Variants in RYR2 observed in about 807,000 individuals in gnomAD.
The protein encoded by RYR2 is cardiac muscle ryanodine receptor-calcium release channel.
A neutral mutation model predicts 601.1 loss-of-function variants in RYR2; 227 were observed. The observed-to-expected ratio is 0.38, with a 90% confidence interval of 0.34 to 0.42. The LOEUF (loss-of-function observed/expected upper bound fraction) is 0.42. Among genes scored for constraint, RYR2 ranks in the 10% least tolerant of loss-of-function variants. The probability of loss-of-function intolerance (pLI) is 1.00; values close to 1 mark genes in which losing one functional copy is unlikely to be tolerated. For synonymous variants in RYR2, 2,223 were observed against 2,175.1 expected, an observed-to-expected ratio of 1.02 and a Z score of -0.61; for missense variants, 4,646 against 6,156.5, an observed-to-expected ratio of 0.75 and a Z score of 8.21.
intron 70 of RYR2, 136 bp from the exon 71 acceptor site, chr1:237,711,609 C>T (rs991784701): frequency 1.6e-6 from 1 of 621,116 alleles, no homozygotes; most frequent in African/African-American, 1.9e-5. Context: ...TCAAGAAATA[C>T]TTGTATCCTT....
chr1:237,063,604 A>G (rs58948992), intron 1 of RYR2, among the ~76,000 whole-genome samples: 4 of 148,600 alleles, frequency 2.7e-5, no homozygotes, highest in African/African-American at 7.5e-5. Context: ...ACACATACAC[A>G]CTCTCTCTCT....
chr1:237,117,025 G>A (rs968020946), intron 1 of RYR2, among the ~76,000 whole-genome samples: 1 of 152,214 alleles, frequency 6.6e-6, no homozygotes, highest in Non-Finnish European at 1.5e-5. Context: ...ACTGACAGTA[G>A]AGGTGTGAGC....
intron 10 of RYR2, among the ~76,000 whole-genome samples, chr1:237,404,124 T>C (rs1347738871): frequency 6.6e-6 from 1 of 152,106 alleles, no homozygotes; most frequent in African/African-American, 2.4e-5. Context: ...CCTGGTGGCA[T>C]GCACCTGTAG....
intron 34 of RYR2, among the ~76,000 whole-genome samples, 153 bp from the exon 35 acceptor site, chr1:237,601,872 C>A (rs1676539073): frequency 6.6e-6 from 1 of 152,138 alleles, no homozygotes; most frequent in Non-Finnish European, 1.5e-5. Flanking sequence ...TAATGAAATA[C>A]TCTAATTCTT....
chr1:237,173,655 A>G (rs1017835210), intron 1 of RYR2, among the ~76,000 whole-genome samples: 17 of 152,152 alleles, frequency 1.1e-4, no homozygotes, highest in African/African-American at 3.1e-4. Context: ...CACCGCAAAT[A>G]CCTGTCTATA....
At chr1:237,112,546 A>G (rs1416531634) in intron 1 of RYR2, among the ~76,000 whole-genome samples, 14 of 140,142 alleles carry the variant, frequency 1.0e-4, no homozygotes, top group African/African-American at 3.8e-4. Flanking sequence ...ACTTCCCCCT[A>G]CCTCTTCTTT....
chr1:237,623,725 C>T, intron 38 of RYR2, 40 bp from the exon 39 acceptor site: 2 of 1,347,544 alleles, frequency 1.5e-6, no homozygotes, highest in Admixed American at 1.7e-5. Context: ...CCTTTCTTTT[C>T]TTCCTCCTTC....
At chr1:237,706,601 C>T (rs1385671538) in intron 67 of RYR2, among the ~76,000 whole-genome samples, 1 of 152,074 alleles carries the variant, frequency 6.6e-6, no homozygotes, top group African/African-American at 2.4e-5. Context: ...GAGTGGGGGA[C>T]TTCAAAACTT....
chr1:237,765,879 C>T (rs1573863459), intron 84 of RYR2, among the ~76,000 whole-genome samples: 1 of 152,148 alleles, frequency 6.6e-6, no homozygotes, highest in South Asian at 2.1e-4. Context: ...TTTAGGAGCT[C>T]AGTACTGTGT....
chr1:237,338,765 C>A (rs2149603245), intron 3 of RYR2, among the ~76,000 whole-genome samples: 2 of 152,206 alleles, frequency 1.3e-5, no homozygotes, highest in Middle Eastern at 6.8e-3. Context: ...TTTGTTCAAG[C>A]TTTAGGGCAG....
At chr1:237,673,841 G>A (rs969973235) in intron 58 of RYR2, among the ~76,000 whole-genome samples, 2 of 152,146 alleles carry the variant, frequency 1.3e-5, no homozygotes, top group African/African-American at 4.8e-5. Flanking sequence ...AGATATTATT[G>A]TCACTTAGTA....
At chr1:237,175,546 C>T (rs1464290364) in intron 1 of RYR2, among the ~76,000 whole-genome samples, 3 of 152,056 alleles carry the variant, frequency 2.0e-5, no homozygotes, top group African/African-American at 4.8e-5. Flanking sequence ...CAATAACATA[C>T]CTGAAAAATG....
intron 1 of RYR2, among the ~76,000 whole-genome samples, chr1:237,057,065 G>C (rs956532207): frequency 1.3e-5 from 2 of 152,212 alleles, no homozygotes; most frequent in African/African-American, 2.4e-5. Flanking sequence ...GGAGAGAGGA[G>C]TGACCCAGTG....
intron 10 of RYR2, among the ~76,000 whole-genome samples, chr1:237,393,607 G>C (rs796758368): frequency 3.3e-5 from 5 of 152,224 alleles, no homozygotes; most frequent in African/African-American, 9.6e-5. Flanking sequence ...AACCTATGAG[G>C]GTTTTTCTTC....
At chr1:237,787,932 C>T in intron 91 of RYR2, 56 bp from the exon 92 acceptor site, 1 of 1,506,298 alleles carries the variant, frequency 6.6e-7, no homozygotes, top group Non-Finnish European at 9.0e-7. Flanking sequence ...TTCCACAACA[C>T]CCGTTTAGTT....
At chr1:237,753,160 A>G (rs951816097) in intron 80 of RYR2, among the ~76,000 whole-genome samples, 1 of 152,224 alleles carries the variant, frequency 6.6e-6, no homozygotes, top group Non-Finnish European at 1.5e-5. Context: ...GCCCTGGTTT[A>G]AAATATCTTT....
chr1:237,366,711 G>GTA (rs140217740), intron 5 of RYR2, among the ~76,000 whole-genome samples: 2,071 of 146,362 alleles, frequency 0.014, 41 homozygotes, highest in African/African-American at 0.041. Context: ...CACACACACT[G>GTA]TATATATATA....
At chr1:237,340,096 A>G (rs1697631249) in intron 3 of RYR2, among the ~76,000 whole-genome samples, 1 of 152,212 alleles carries the variant, frequency 6.6e-6, no homozygotes, top group South Asian at 2.1e-4. Context: ...TAGCAGATAC[A>G]TAGTTAGCAT....
intron 1 of RYR2, among the ~76,000 whole-genome samples, chr1:237,081,288 A>T (rs1159928538): frequency 6.7e-5 from 10 of 148,612 alleles, no homozygotes; most frequent in African/African-American, 1.2e-4. Flanking sequence ...AATAAAAAAA[A>T]AAAAAAAAAA....
Sources: gnomAD v4.1 joint callset for allele counts (sites outside exome capture counted in the v4.1 genomes callset) on GRCh38, gnomAD v4.1.1 for gene constraint, MANE v1.5 for transcripts, NCBI Gene and HGNC (gene_info 2026-07-23, HGNC 2026-07-21) for gene names.